AASDHPPT: variants seen among roughly 807,000 people sequenced by gnomAD.
AASDHPPT encodes L-aminoadipate-semialdehyde dehydrogenase-phosphopantetheinyl transferase.
A neutral mutation model predicts 36.4 loss-of-function variants in AASDHPPT; 23 were observed. That is an observed-to-expected ratio of 0.63 (90% CI 0.45 to 0.89). The LOEUF is 0.89. Among genes scored for constraint, AASDHPPT ranks in the 40% least tolerant of loss-of-function variants. AASDHPPT has a pLI of 0.00. For missense variants in AASDHPPT, 377 were observed against 378.2 expected, an observed-to-expected ratio of 1.00 and a Z score of 0.03; for synonymous variants, 115 against 128.0, an observed-to-expected ratio of 0.90 and a Z score of 0.68.
chr11:106,096,908 T>C lies in AASDHPPT; in HGVS notation c.*1T>C. The C allele has an allele frequency of 6.3e-7, 1 of 1,595,280 alleles. No individual in the cohort carries two copies. On this transcript the variant is annotated 3_prime_UTR_variant, in exon 6 of 6. Coordinates refer to ENST00000278618, the MANE Select transcript of AASDHPPT (RefSeq NM_015423.3). ...AATACGAAATGGTACAAAGTCATGA[T>C]GATTCCCTGAGTAACAAAGGGAAAT...
intron 2 of AASDHPPT, among the ~76,000 whole-genome samples, chr11:106,080,352 A>C (rs1312820056): frequency 6.6e-6 from 1 of 152,212 alleles, no homozygotes; most frequent in Non-Finnish European, 1.5e-5. Flanking sequence ...TTTGTTCTGC[A>C]TCTAAATACA....
rs1360707491 is a variant in AASDHPPT, at chr11:106,092,406, A to G, written c.693+929A>G. The G allele has an allele frequency of 2.6e-5, 4 of 152,180 alleles. No individual in the cohort carries two copies. The East Asian group carries it at 5.8e-4, about 22-fold the overall frequency. 9.4% of individuals were successfully genotyped at this position (152,180 alleles called of 1,614,324 possible). A position where few individuals can be genotyped will look rare whatever the true frequency, so the allele number is the denominator to read the frequency against. ...ATAAATGAGATGTTAAGTTTGAGAT[A>G]CCAAACATCTAAGTGAAGATGTCAG... is the stretch of plus-strand genomic sequence containing the variant. On this transcript the variant is annotated intron_variant, in intron 4 of 5. Coordinates refer to ENST00000278618, the MANE Select transcript of AASDHPPT (RefSeq NM_015423.3).
chr11:106,085,925 T>C (rs947058997), intron 2 of AASDHPPT: 4 of 152,240 alleles, frequency 2.6e-5, no homozygotes, highest in Non-Finnish European at 2.9e-5. Context: ...ATTTTGATGC[T>C]CAAAAAGCTT....
At chr11:106,078,009 T>TGTGGCCGGCCCGGGCGACA in intron 1 of AASDHPPT, 116 bp downstream of exon 1, 1 of 1,310,498 alleles carries the variant, frequency 7.6e-7, no homozygotes. Flanking sequence ...CTGTGGAGCC[T>TGTGGCCGGCCCGGGCGACA]GTGGCCGGCC....
At chr11:106,091,018 A>G (rs772229041) in intron 3 of AASDHPPT, among the ~76,000 whole-genome samples, 2 of 152,106 alleles carry the variant, frequency 1.3e-5, no homozygotes, top group Non-Finnish European at 2.9e-5. Context: ...GCCAGAAGAC[A>G]TTACTTCAAG....
chr11:106,092,631 A>G (rs1861266782), intron 4 of AASDHPPT: 1 of 152,114 alleles, frequency 6.6e-6, no homozygotes, highest in Admixed American at 6.6e-5. Context: ...AGTAAGGCCT[A>G]GAATAGAGCC....
At chr11:106,090,184 T>C (rs969369727) in intron 2 of AASDHPPT, among the ~76,000 whole-genome samples, 1 of 152,054 alleles carries the variant, frequency 6.6e-6, no homozygotes, top group African/African-American at 2.4e-5. Context: ...TATCCTTTTA[T>C]ATAAGAAATT....
intron 2 of AASDHPPT, among the ~76,000 whole-genome samples, chr11:106,084,001 A>G (rs1861170961): frequency 6.6e-6 from 1 of 152,160 alleles, no homozygotes; most frequent in East Asian, 1.9e-4. Context: ...AGGTGTCAAT[A>G]TCCATAATAT....
Position 106,090,573 on chromosome 11 carries a change from A to G in AASDHPPT, c.426A>G (p.Pro142=). ...AATTGGCAGGTCGTGGTTCAATTCC[A>G]GAATTCTTTCATATTATGAAAAGAA... The part of the protein sequence containing the change: ...KTSFPGRGSI[P]EFFHIMKRKF... Residue 142 remains proline, a synonymous_variant, in exon 3 of 6, where the codon CCA becomes CCG. Coordinates refer to ENST00000278618, the MANE Select transcript of AASDHPPT (RefSeq NM_015423.3). 1.3e-6 allele frequency: 2 copies of G among 1,585,736 alleles called. No individual in the cohort carries two copies. The highest frequency in any genetic ancestry group is 1.7e-6 in the Non-Finnish European group (2 of 1,171,412).
At chr11:106,086,672 A>G (rs987581078) in intron 2 of AASDHPPT, among the ~76,000 whole-genome samples, 3 of 152,168 alleles carry the variant, frequency 2.0e-5, no homozygotes, top group African/African-American at 7.2e-5. Flanking sequence ...CAACCCAAAA[A>G]GTGGCAGATC....
intron 2 of AASDHPPT, chr11:106,085,970 G>T (rs1434052172): frequency 6.6e-6 from 1 of 152,212 alleles, no homozygotes; most frequent in Non-Finnish European, 1.5e-5. Flanking sequence ...CAGGTTTTCA[G>T]ATTAGGGATC....
At chr11:106,092,680 C>CT (rs1309970611) in intron 4 of AASDHPPT, 1 of 152,002 alleles carries the variant, frequency 6.6e-6, no homozygotes, top group Non-Finnish European at 1.5e-5. Context: ...GATGGTTTAA[C>CT]TTTTTTTGAC....
At chr11:106,087,806 T>C (rs1186638683) in intron 2 of AASDHPPT, among the ~76,000 whole-genome samples, 3 of 152,198 alleles carry the variant, frequency 2.0e-5, no homozygotes, top group African/African-American at 7.2e-5. Flanking sequence ...AGCTATAAGA[T>C]GGAAGATCAG....
chr11:106,078,811 G>T (rs562199396), intron 1 of AASDHPPT, among the ~76,000 whole-genome samples: 4 of 152,144 alleles, frequency 2.6e-5, no homozygotes, highest in Non-Finnish European at 4.4e-5. Flanking sequence ...TTGTTTTTTT[G>T]TGTGTGTGTT....
At chr11:106,092,555 C>T (rs1182563257) in intron 4 of AASDHPPT, 1 of 151,770 alleles carries the variant, frequency 6.6e-6, no homozygotes, top group East Asian at 1.9e-4. Flanking sequence ...GTGAGATTAC[C>T]TAAGGAACAG....
At chr11:106,089,994 G>A (rs10431054) in intron 2 of AASDHPPT, among the ~76,000 whole-genome samples, 2 of 149,692 alleles carry the variant, frequency 1.3e-5, no homozygotes, top group Non-Finnish European at 2.9e-5. Flanking sequence ...TTTGAAGAAG[G>A]TATTAATTTT....
At chr11:106,080,405 C>G (rs910558726) in intron 2 of AASDHPPT, among the ~76,000 whole-genome samples, 2 of 152,102 alleles carry the variant, frequency 1.3e-5, no homozygotes, top group Admixed American at 6.5e-5. Flanking sequence ...GAGGAGCAAG[C>G]ATTATTAAAA....
At chr11:106,078,515 CAAGT>C (rs956429373) in intron 1 of AASDHPPT, among the ~76,000 whole-genome samples, 58 of 152,290 alleles carry the variant, frequency 3.8e-4, no homozygotes, top group African/African-American at 1.3e-3. Flanking sequence ...GATTTCAAAA[CAAGT>C]AATCTGTACA....
chr11:106,095,429 G>A lies in AASDHPPT; in HGVS notation c.765+775G>A, dbSNP rs528043234. On this transcript the variant is annotated intron_variant, in intron 5 of 5. Coordinates refer to ENST00000278618, the MANE Select transcript of AASDHPPT (RefSeq NM_015423.3). ...CATGTAAGAGACCTTGTGTCATATT[G>A]TGGCATAACATCAGTTTCAATTATT... Among the ~76,000 whole-genome samples the A allele has an allele frequency of 1.6e-4, 25 of 152,184 alleles. No individual in the cohort carries two copies. The South Asian group carries it at 4.8e-3, about 29-fold the overall frequency.
Sources: allele counts gnomAD v4.1 joint callset (sites outside exome capture counted in the v4.1 genomes callset), GRCh38; gene constraint gnomAD v4.1.1; transcripts MANE v1.5; gene names NCBI Gene and HGNC (gene_info 2026-07-23, HGNC 2026-07-21).